The following CACNA1G variants were observed in gnomAD, a reference collection of about 807,000 sequenced individuals.
CACNA1G encodes the protein calcium voltage-gated channel subunit alpha1 G.
Under a neutral mutation model 219.4 loss-of-function variants are expected in CACNA1G, and 67 were observed. The observed-to-expected ratio is 0.31, with a 90% CI of 0.25 to 0.37. The LOEUF (loss-of-function observed/expected upper bound fraction) is 0.37, where lower values mean the gene tolerates loss of function less well. Among genes scored for constraint, CACNA1G ranks in the 10% least tolerant of loss-of-function variants. CACNA1G has a pLI of 1.00. For missense variants in CACNA1G, 2,380 were observed against 3,231.4 expected, an observed-to-expected ratio of 0.74 and a Z score of 6.39; for synonymous variants, 1,296 against 1,345.3, an observed-to-expected ratio of 0.96 and a Z score of 0.80.
At position 50,609,865 on chromosome 17, in the gene CACNA1G, G is replaced by T; in HGVS notation, c.4706-17G>T. On this transcript the variant is annotated splice_polypyrimidine_tract_variant and intron_variant, in intron 25 of 37. Transcript: ENST00000359106. ...CCTGGTCCGGCCAGTGACCAATGTC[G>T]TGTTTCGTTCTTTTAGATCTAATGC... 1.2e-6 allele frequency: 2 copies of T among 1,610,032 alleles called. No homozygotes were observed. Among genetic ancestry groups the T allele is most frequent in the Non-Finnish European group, 1.7e-6 (2 of 1,179,440 alleles).
intron 22 of CACNA1G, among the ~76,000 whole-genome samples, chr17:50,604,837 G>A (rs939204330): frequency 1.3e-5 from 2 of 152,226 alleles, no homozygotes; most frequent in African/African-American, 4.8e-5. Context: ...GGGCCGGGGA[G>A]CCCCTCCATC....
intron 22 of CACNA1G, among the ~76,000 whole-genome samples, chr17:50,605,047 G>T (rs946680257): frequency 6.6e-6 from 1 of 152,110 alleles, no homozygotes; most frequent in Non-Finnish European, 1.5e-5. Flanking sequence ...TAGGGAACAG[G>T]CTGGGGTGCA....
At chr17:50,577,953 T>C (rs2041084214) in intron 8 of CACNA1G, among the ~76,000 whole-genome samples, 1 of 152,138 alleles carries the variant, frequency 6.6e-6, no homozygotes, top group Non-Finnish European at 1.5e-5. Flanking sequence ...GCCACCTCTC[T>C]GAGCCCCAGG....
In CACNA1G at chr17:50,617,135, T is replaced by A. The variant is rs1459552144; in HGVS notation, c.5022-303T>A. Among the ~76,000 whole-genome samples the A allele has an allele frequency of 1.3e-5, 2 of 152,216 alleles. No individual in the cohort carries two copies. Among genetic ancestry groups the A allele is most frequent in the Non-Finnish European group, 2.9e-5 (2 of 68,038 alleles). On this transcript the variant is annotated intron_variant, in intron 28 of 37. Coordinates refer to ENST00000359106, the MANE Select transcript of CACNA1G (RefSeq NM_018896.5). This position sits in a 1 kb window ranked among gnomAD's most constrained non-coding sequence, Gnocchi z 5.8. Reference sequence around the variant, plus strand: ...AAGTGTTGGGACTGCAGGTGTGAGTTCCTATTTGTAAAGCTCTTAAAAGTG... The same window carrying A: ...AAGTGTTGGGACTGCAGGTGTGAGTACCTATTTGTAAAGCTCTTAAAAGTG...
In CACNA1G at chr17:50,578,647, C is replaced by G; in HGVS notation, c.2301+83C>G. 2.2e-6 allele frequency: 3 copies of G among 1,371,928 alleles called. No homozygotes were observed. Among genetic ancestry groups the G allele is most frequent in the Non-Finnish European group, 2.9e-6 (3 of 1,021,190 alleles). The allele number at this position is 1,371,928 out of a possible 1,614,324, so 85.0% of individuals were successfully genotyped here. On this transcript the variant is annotated intron_variant, in intron 9 of 37. Transcript: ENST00000359106. This position sits in a 1 kb window ranked among gnomAD's most constrained non-coding sequence, Gnocchi z 4.5. ...CCTTCTACCTCCCTCCGCACCCCTC[C>G]TCCTGAGCTCAGCTTCCTCTCCATG...
Position 50,561,381 on chromosome 17 carries a change from C to A in CACNA1G, c.-79C>A. The A allele has an allele frequency of 6.6e-7, 1 of 1,523,124 alleles. No homozygotes were observed. The allele number at this position is 1,523,124 out of a possible 1,614,324, so 94.4% of individuals were successfully genotyped here. ...CCAGATGTGCCCCCGCCGGGGCCCCCGGGTTGCGTGAGGACACCTCCTCTG... is the reference window on the plus strand; with the variant it reads ...CCAGATGTGCCCCCGCCGGGGCCCCAGGGTTGCGTGAGGACACCTCCTCTG... On this transcript the variant is annotated 5_prime_UTR_variant, in exon 1 of 38. Coordinates refer to ENST00000359106, the MANE Select transcript of CACNA1G (RefSeq NM_018896.5).
chr17:50,580,705 T>C (rs1426595030), intron 9 of CACNA1G, among the ~76,000 whole-genome samples: 1 of 152,118 alleles, frequency 6.6e-6, no homozygotes, highest in African/African-American at 2.4e-5. Context: ...CCTCACTCAG[T>C]GACAGCAGTG....
At chr17:50,602,248 T>C (rs1435985964) in intron 19 of CACNA1G, among the ~76,000 whole-genome samples, 1 of 152,152 alleles carries the variant, frequency 6.6e-6, no homozygotes, top group Non-Finnish European at 1.5e-5. Flanking sequence ...GCCCGCCACC[T>C]CTCTAGAGAT....
At position 50,615,251 on chromosome 17, in the gene CACNA1G, G is replaced by GA. The variant is rs2050237973; in HGVS notation, c.4760-108dup. On this transcript the variant is annotated intron_variant, in intron 26 of 37. Transcript: ENST00000359106. ...GAGGGCGAGGATGGTGATGATTATG[G>GA]AATGTTTCAGTTCTGGCGTTAGAGG... 17 of 1,104,148 alleles carry GA rather than the reference G, an allele frequency of 1.5e-5. No homozygotes were observed. The South Asian group carries it at 2.8e-4, about 18-fold the overall frequency. 68.4% of individuals were successfully genotyped at this position (1,104,148 alleles called of 1,614,324 possible). A position where few individuals can be genotyped will look rare whatever the true frequency, so the allele number is the denominator to read the frequency against.
At chr17:50,605,860 C>T in intron 22 of CACNA1G, 38 bp from the exon 23 acceptor site, 1 of 1,611,552 alleles carries the variant, frequency 6.2e-7, no homozygotes, top group Non-Finnish European at 8.5e-7. Context: ...CCTGTGGTCA[C>T]AGCTCACTTT....
intron 9 of CACNA1G, among the ~76,000 whole-genome samples, chr17:50,586,310 T>C (rs1325180697): frequency 3.3e-5 from 5 of 151,972 alleles, no homozygotes; most frequent in Non-Finnish European, 7.4e-5. Flanking sequence ...CTGTTCCACC[T>C]GGCCCTGCCG....
At chr17:50,604,012 C>G (rs2047391326) in intron 21 of CACNA1G, 143 bp from the exon 22 acceptor site, 1 of 722,950 alleles carries the variant, frequency 1.4e-6, no homozygotes. Context: ...TGGCAGGGGT[C>G]CCATGAAAAG....
chr17:50,604,096 G>T (rs1452371574), intron 21 of CACNA1G, 59 bp from the exon 22 acceptor site: 1 of 1,564,092 alleles, frequency 6.4e-7, no homozygotes, highest in African/African-American at 1.3e-5. Context: ...CAGGGTCAAG[G>T]GACAAGGGAG....
intron 5 of CACNA1G, 75 bp downstream of exon 5, chr17:50,572,112 C>T: frequency 1.4e-6 from 2 of 1,465,082 alleles, no homozygotes; most frequent in South Asian, 1.3e-5. Context: ...TTCCTCACTT[C>T]CGGTTGCTAC....
Position 50,569,281 on chromosome 17 carries a change from T to G in CACNA1G, c.471T>G (p.Phe157Leu). The G allele has an allele frequency of 6.2e-7, 1 of 1,613,700 alleles. No homozygotes were observed. Among genetic ancestry groups the G allele is most frequent in the South Asian group, 1.1e-5 (1 of 91,070 alleles). ...GAGACACTTGGAACCGGCTTGACTT[T>G]TTCATCGTCATCGCAGGGTGAGGAC... ...YLGDTWNRLD[F>L]FIVIAGMLEY... is the part of the protein sequence containing the mutation. Residue 157 changes from phenylalanine to leucine, a missense_variant, in exon 3 of 38, where the codon TTT becomes TTG. Transcript: ENST00000359106.
chr17:50,622,337 G>T (rs1045678690), intron 35 of CACNA1G, among the ~76,000 whole-genome samples: 1 of 152,056 alleles, frequency 6.6e-6, no homozygotes, highest in Non-Finnish European at 1.5e-5. Flanking sequence ...CAAACTCAGT[G>T]GGGTGAATGG....
rs1275453093 is a variant in CACNA1G at position 50,618,230 on chromosome 17, G to A, written c.5314G>A (p.Glu1772Lys). 4.3e-6 allele frequency: 7 copies of A among 1,613,464 alleles called. No homozygotes were observed. The highest frequency in any genetic ancestry group is 1.1e-5 in the South Asian group (1 of 91,070). Residue 1772 changes from glutamate to lysine, a missense_variant, in exon 32 of 38, where the codon GAG becomes AAG. Around this residue, in one of 17 missense-constraint regions of CACNA1G, gnomAD observed 123 missense variants for 258.4 expected, o/e 0.48. Transcript: ENST00000359106. This position sits in a 1 kb window ranked among gnomAD's most constrained non-coding sequence, Gnocchi z 5.3. Reference sequence around the variant, plus strand: ...TTTCCCTCCTCCCCCAGAGTGTGACGAGACACACCCCTGTGAGGGCCTGGG... The same window carrying A: ...TTTCCCTCCTCCCCCAGAGTGTGACAAGACACACCCCTGTGAGGGCCTGGG... ...VELFGDLECD[E>K]THPCEGLGRH...
At chr17:50,615,330 G>C (rs755422640) in intron 26 of CACNA1G, 31 bp from the exon 27 acceptor site, 3 of 1,544,862 alleles carry the variant, frequency 1.9e-6, no homozygotes, top group Non-Finnish European at 2.6e-6. Context: ...GGGGCCTGAC[G>C]CTTGCTCTGC....
chr17:50,608,938 T>G (rs1311483333), intron 25 of CACNA1G, among the ~76,000 whole-genome samples: 1 of 152,188 alleles, frequency 6.6e-6, no homozygotes, highest in East Asian at 1.9e-4. Context: ...CCCACGTCTC[T>G]CTAAGTGTCT....
Sources: gnomAD v4.1 joint callset for allele counts (sites outside exome capture counted in the v4.1 genomes callset) on GRCh38, gnomAD v4.1.1 for gene constraint, gnomAD v4.1.1 regional missense constraint, Gnocchi (gnomAD v3.1) non-coding constraint, MANE v1.5 for transcripts, NCBI Gene and HGNC (gene_info 2026-07-23, HGNC 2026-07-21) for gene names.